Variants in AHR observed in about 807,000 individuals in gnomAD.
AHR encodes aryl hydrocarbon receptor, also known as AH-receptor.
Under a neutral mutation model 86.8 loss-of-function variants are expected in AHR, and 40 were observed. That is an observed-to-expected ratio of 0.46 (90% confidence interval 0.36 to 0.60). The LOEUF (loss-of-function observed/expected upper bound fraction) is 0.60, where lower values mean the gene tolerates loss of function less well. Ranked by LOEUF, AHR falls within the 20% of genes least tolerant of loss-of-function variation. The pLI, the probability that AHR is intolerant of heterozygous loss-of-function variation, is 0.00. For synonymous variants in AHR, 398 were observed against 354.9 expected, an observed-to-expected ratio of 1.12 and a Z score of -1.37; for missense variants, 1,001 against 1,011.6, an observed-to-expected ratio of 0.99 and a Z score of 0.14.
intron 3 of AHR, 121 bp downstream of exon 3, chr7:17,322,728 A>G: frequency 1.5e-6 from 1 of 675,772 alleles, no homozygotes; most frequent in South Asian, 1.9e-5. Flanking sequence ...TGCCACTTTC[A>G]TCTGAACTGC....
rs1466259077 is a variant in AHR, at chr7:17,331,313, C to T, written c.705+427C>T. Among the ~76,000 whole-genome samples, 3 of 151,890 alleles carry T rather than the reference C, an allele frequency of 2.0e-5. No individual in the cohort carries two copies. In the East Asian group the frequency reaches 5.8e-4, roughly 29 times the overall value. The stretch of plus-strand genomic sequence containing the variant: ...GTTTAACATTAAGTTATAGAAAAAA[C>T]AAGCCAATTTTCTTTGGTTATCTTT... On this transcript the variant is annotated intron_variant, in intron 6 of 10. Transcript: ENST00000242057.
chr7:17,314,310 AC>A (rs1191417935), intron 2 of AHR, among the ~76,000 whole-genome samples: 2 of 152,084 alleles, frequency 1.3e-5, no homozygotes, highest in Non-Finnish European at 2.9e-5. Flanking sequence ...TAAAATAATC[AC>A]CATTTTATAA....
intron 2 of AHR, among the ~76,000 whole-genome samples, chr7:17,319,074 G>A (rs1352720604): frequency 6.6e-6 from 1 of 152,024 alleles, no homozygotes; most frequent in Non-Finnish European, 1.5e-5. Context: ...ACTTTCAAAT[G>A]TGTCATATAG....
intron 2 of AHR, among the ~76,000 whole-genome samples, chr7:17,320,564 T>A (rs141558328): frequency 6.6e-6 from 1 of 152,140 alleles, no homozygotes; most frequent in Admixed American, 6.6e-5. Flanking sequence ...TGTTGTTTTC[T>A]TTTTAAAAGC....
chr7:17,327,730 A>T, intron 3 of AHR, 29 bp from the exon 4 acceptor site: 1 of 1,285,338 alleles, frequency 7.8e-7, no homozygotes, highest in Non-Finnish European at 1.1e-6. Context: ...AAGTCATATT[A>T]CTAATTTTAG....
chr7:17,340,281 T>G, intron 10 of AHR, 53 bp downstream of exon 10: 2 of 1,519,718 alleles, frequency 1.3e-6, no homozygotes, highest in South Asian at 2.7e-5. Flanking sequence ...TTTTACCTTA[T>G]AGACATGTTA....
chr7:17,315,841 G>A (rs1407302346), intron 2 of AHR, among the ~76,000 whole-genome samples: 1 of 151,816 alleles, frequency 6.6e-6, no homozygotes, highest in Non-Finnish European at 1.5e-5. Context: ...ACAGCCTTTT[G>A]ACTTTTCAAT....
rs749961938 is a variant in AHR at position 17,299,317 on chromosome 7, C to T, written c.53C>T (p.Pro18Leu). 2.5e-6 allele frequency: 4 copies of T among 1,612,870 alleles called. No homozygotes were observed. The highest frequency in any genetic ancestry group is 1.7e-5 in the Admixed American group (1 of 60,010). Reference sequence around the variant, plus strand: ...TACGCCAGTCGCAAGCGGCGGAAGCCGGTGCAGAAAACGTGAGTGTCCCGA... The same window carrying T: ...TACGCCAGTCGCAAGCGGCGGAAGCTGGTGCAGAAAACGTGAGTGTCCCGA... ...ITYASRKRRK[P>L]VQKTVKPIPA... The change falls in exon 1 of 11, where the codon CCG becomes CTG. Residue 18 changes from proline (P) to leucine (L), a missense_variant. This residue lies in a region of AHR where 394 missense variants were observed against 468.5 expected (regional missense o/e 0.84). Coordinates refer to ENST00000242057, the MANE Select transcript of AHR (RefSeq NM_001621.5).
intron 1 of AHR, among the ~76,000 whole-genome samples, chr7:17,302,648 G>A (rs1029228685): frequency 6.6e-6 from 1 of 151,646 alleles, no homozygotes; most frequent in African/African-American, 2.4e-5. Context: ...ACATTAAATG[G>A]CAAAAAGAGG....
intron 2 of AHR, 68 bp downstream of exon 2, chr7:17,310,191 T>A (rs551194493): frequency 7.1e-7 from 1 of 1,403,072 alleles, no homozygotes; most frequent in African/African-American, 1.4e-5. Context: ...TATAGCTGTT[T>A]CTGTGTTAAT....
At chr7:17,315,306 A>G (rs993879944) in intron 2 of AHR, among the ~76,000 whole-genome samples, 15 of 151,926 alleles carry the variant, frequency 9.9e-5, no homozygotes, top group African/African-American at 3.6e-4. Context: ...ATAAATTAAT[A>G]TGATAGAACT....
Position 17,329,865 on chromosome 7 carries a change from C to G in AHR, c.451-87C>G. Reference sequence around the variant, plus strand: ...CGTATTCATCACCACTAGCAAGCACCCACTAATCTAAATAGGCTTTAAAAT... The same window carrying G: ...CGTATTCATCACCACTAGCAAGCACGCACTAATCTAAATAGGCTTTAAAAT... On this transcript the variant is annotated intron_variant, in intron 4 of 10. Transcript: ENST00000242057. 3.3e-6 allele frequency: 4 copies of G among 1,195,034 alleles called. No individual in the cohort carries two copies. In the South Asian group the frequency reaches 4.6e-5, roughly 14 times the overall value. 74.0% of individuals were successfully genotyped at this position (1,195,034 alleles called of 1,614,324 possible).
Position 17,345,728 on chromosome 7 carries a change from TAACTA to T in AHR, c.*2667_*2671del, listed in dbSNP as rs1782476222. 6.6e-6 allele frequency: 1 copy of T among 152,612 alleles called. No individual in the cohort carries two copies. Among genetic ancestry groups the T allele is most frequent in the African/African-American group, 2.4e-5 (1 of 41,448 alleles). 9.5% of individuals were successfully genotyped at this position (152,612 alleles called of 1,614,324 possible). A position where few individuals can be genotyped will look rare whatever the true frequency, so the allele number is the denominator to read the frequency against. ...ATTGTATATTTTTATCTATATAAAA[TAACTA>T]AAATGTATCTAAGAATAATAAAATC... On this transcript the variant is annotated 3_prime_UTR_variant, in exon 11 of 11. Coordinates refer to ENST00000242057, the MANE Select transcript of AHR (RefSeq NM_001621.5).
At chr7:17,307,285 G>A (rs1782015393) in intron 1 of AHR, among the ~76,000 whole-genome samples, 1 of 152,006 alleles carries the variant, frequency 6.6e-6, no homozygotes, top group African/African-American at 2.4e-5. Context: ...CAAGAGTGCA[G>A]GACTGGATTG....
rs767249415 is a variant in AHR, at chr7:17,340,187, T to G, written c.2362T>G (p.Tyr788Asp). The change falls in exon 10 of 11, where the codon TAC becomes GAC. Residue 788 changes from tyrosine to aspartate, a missense_variant. By Grantham distance (160) the Tyr-to-Asp change is radical. This residue lies in a region of AHR where 607 missense variants were observed against 543.1 expected (regional missense o/e 1.12). Transcript: ENST00000242057. ...GCACACCCACGTGGGTCAGATGCAG[T>G]ACAATCCAGTACTGCCAGGCCAACA... ...PQHTHVGQMQYNPVLPGQQAF... is the reference protein window; with the variant it reads ...PQHTHVGQMQDNPVLPGQQAF... 1.1e-5 allele frequency: 17 copies of G among 1,613,142 alleles called. No individual in the cohort carries two copies. The highest frequency in any genetic ancestry group is 1.4e-5 in the Non-Finnish European group (17 of 1,179,560).
In AHR at chr7:17,334,929, G is replaced by T. The variant is rs201806511; in HGVS notation, c.951G>T (p.Thr317=). Reference sequence around the variant, plus strand: ...GATATACTGAAGCAGAGCTGTGCACGAGAGGCTCAGGTTATCAGTTTATTC... The same window carrying T: ...GATATACTGAAGCAGAGCTGTGCACTAGAGGCTCAGGTTATCAGTTTATTC... ...VLGYTEAELC[T]RGSGYQFIHA... The change falls in exon 8 of 11, where the codon ACG becomes ACT. Residue 317 remains threonine, a synonymous_variant. Transcript: ENST00000242057. 11 of 1,613,214 alleles carry T rather than the reference G, an allele frequency of 6.8e-6. No individual in the cohort carries two copies. Among genetic ancestry groups the T allele is most frequent in the Non-Finnish European group, 8.5e-6 (10 of 1,179,386 alleles).
In AHR at chr7:17,339,331, G is replaced by A. The variant is rs764361200; in HGVS notation, c.1506G>A (p.Pro502=). The change falls in exon 10 of 11, where the codon CCG becomes CCA. Residue 502 remains proline (P), a synonymous_variant. Coordinates refer to ENST00000242057, the MANE Select transcript of AHR (RefSeq NM_001621.5). ...ECRNWQDNTA[P]MGNDTILKHE... is the part of the protein sequence containing the mutation. Reference sequence around the variant, plus strand: ...GAAATTGGCAAGATAATACTGCACCGATGGGAAATGATACTATCCTGAAAC... The same window carrying A: ...GAAATTGGCAAGATAATACTGCACCAATGGGAAATGATACTATCCTGAAAC... 11 of 1,614,024 alleles carry A rather than the reference G, an allele frequency of 6.8e-6. No individual in the cohort carries two copies. The highest frequency in any genetic ancestry group is 5.5e-5 in the South Asian group (5 of 91,064).
At chr7:17,342,231 A>C (rs1486741318) in intron 10 of AHR, among the ~76,000 whole-genome samples, 1 of 152,148 alleles carries the variant, frequency 6.6e-6, no homozygotes, top group South Asian at 2.1e-4. Flanking sequence ...AGAGCTATAC[A>C]TCTTCATGTC....
chr7:17,321,585 C>CCACA (rs769254475), intron 2 of AHR, among the ~76,000 whole-genome samples: 1 of 69,560 alleles, frequency 1.4e-5, no homozygotes, highest in Non-Finnish European at 3.6e-5. Context: ...TACATACATA[C>CCACA]CACACACATA....
Sources: allele counts gnomAD v4.1 joint callset (sites outside exome capture counted in the v4.1 genomes callset), GRCh38; gene constraint gnomAD v4.1.1; regional missense constraint gnomAD v4.1.1; transcripts MANE v1.5; gene names NCBI Gene and HGNC (gene_info 2026-07-23, HGNC 2026-07-21).